The following ANKRD34C variants were observed in gnomAD, a reference collection of about 807,000 sequenced individuals.
ANKRD34C encodes ankyrin repeat domain 34C, also known as ankyrin repeat domain-containing protein 34C.
For missense variants in ANKRD34C, 563 were observed against 653.0 expected, an observed-to-expected ratio of 0.86 and a Z score of 1.50; for synonymous variants, 260 against 253.6, an observed-to-expected ratio of 1.03 and a Z score of -0.24.
chr15:79,290,496 G>A (rs1371475506), intron 1 of ANKRD34C, among the ~76,000 whole-genome samples: 1 of 151,878 alleles, frequency 6.6e-6, no homozygotes, highest in African/African-American at 2.4e-5. Flanking sequence ...CAATCCTCTA[G>A]GGGCTGGCTG....
At chr15:79,286,225 T>A in intron 1 of ANKRD34C, among the ~76,000 whole-genome samples, 1 of 11,824 alleles carries the variant, frequency 8.5e-5, no homozygotes, top group Non-Finnish European at 1.6e-4. Context: ...ATGGTGGGGG[T>A]GGAGTGGGGG....
In ANKRD34C at chr15:79,294,172, C is replaced by T. The variant is rs1463426903; in HGVS notation, c.888C>T (p.Leu296=). 8.4e-6 allele frequency: 13 copies of T among 1,551,486 alleles called. No homozygotes were observed. The highest frequency in any genetic ancestry group is 1.1e-5 in the Non-Finnish European group (13 of 1,147,006). ...TATCCTTCCCTAAAAGGGGGCCCCT[C>T]TCCAGAACCAACAGTATCGATAGCA... ...SDISFPKRGP[L]SRTNSIDSKD... is the part of the protein sequence containing the mutation. Residue 296 remains leucine (L), a synonymous_variant, in exon 2 of 2, where the codon CTC becomes CTT. Coordinates refer to ENST00000421388, the MANE Select transcript of ANKRD34C (RefSeq NM_001146341.2).
At chr15:79,288,066 C>T (rs1438103434) in intron 1 of ANKRD34C, among the ~76,000 whole-genome samples, 5 of 152,210 alleles carry the variant, frequency 3.3e-5, no homozygotes, top group Non-Finnish European at 7.3e-5. Flanking sequence ...CAGAGTCACT[C>T]ATTGATCCCT....
chr15:79,288,945 C>T (rs437645), intron 1 of ANKRD34C, among the ~76,000 whole-genome samples: 156 of 151,188 alleles, frequency 1.0e-3, no homozygotes, highest in African/African-American at 3.6e-3. Context: ...CTCAGTCTTC[C>T]GAGTAGCTGG....
rs935213588 is a variant in ANKRD34C, at chr15:79,297,789, T to C, written c.*2897T>C. On this transcript the variant is annotated 3_prime_UTR_variant, in exon 2 of 2. Transcript: ENST00000421388. ...AGTATATTTTAGATTCAAACATGCTTTCTAGATCAGAGGTTAACTTGTCTT... is the reference window on the plus strand; with the variant it reads ...AGTATATTTTAGATTCAAACATGCTCTCTAGATCAGAGGTTAACTTGTCTT... 1 of 166,702 alleles carries C rather than the reference T, an allele frequency of 6.0e-6. No individual in the cohort carries two copies. Among genetic ancestry groups the C allele is most frequent in the Admixed American group, 6.5e-5 (1 of 15,282 alleles). The allele number at this position is 166,702 out of a possible 1,614,324, so 10.3% of individuals were successfully genotyped here. A position where few individuals can be genotyped will look rare whatever the true frequency, so the allele number is the denominator to read the frequency against.
intron 1 of ANKRD34C, among the ~76,000 whole-genome samples, chr15:79,288,726 G>A (rs1198072592): frequency 6.6e-6 from 1 of 152,076 alleles, no homozygotes; most frequent in Non-Finnish European, 1.5e-5. Context: ...GCATATCTGG[G>A]ATGGTGCATG....
chr15:79,290,573 A>G (rs962239005), intron 1 of ANKRD34C, among the ~76,000 whole-genome samples: 1 of 152,172 alleles, frequency 6.6e-6, no homozygotes, highest in Non-Finnish European at 1.5e-5. Flanking sequence ...TGGGGCTACC[A>G]GCTAAAACTT....
In ANKRD34C at chr15:79,293,928, G is replaced by A. The variant is rs1020052520; in HGVS notation, c.644G>A (p.Gly215Glu). The change falls in exon 2 of 2, where the codon GGG becomes GAG. Residue 215 changes from glycine (G) to glutamate (E), a missense_variant. Coordinates refer to ENST00000421388, the MANE Select transcript of ANKRD34C (RefSeq NM_001146341.2). ...KEDDFFSLQA[G>E]HPSSCNTSKA... ...GATGACTTCTTCAGCCTCCAAGCAG[G>A]GCATCCAAGCAGTTGTAACACCTCC... 4 of 1,551,630 alleles carry A rather than the reference G, an allele frequency of 2.6e-6. No homozygotes were observed. Among genetic ancestry groups the A allele is most frequent in the Non-Finnish European group, 3.5e-6 (4 of 1,146,986 alleles).
chr15:79,293,868 C>G lies in ANKRD34C; in HGVS notation c.584C>G (p.Ala195Gly). 6.4e-7 allele frequency: 1 copy of G among 1,551,716 alleles called. No individual in the cohort carries two copies. The highest frequency in any genetic ancestry group is 8.7e-7 in the Non-Finnish European group (1 of 1,146,988). The change falls in exon 2 of 2, where the codon GCT (alanine) becomes GGT (glycine). Residue 195 changes from alanine (A) to glycine (G), a missense_variant. Transcript: ENST00000421388. The part of the protein sequence containing the change: ...CASPSDIELK[A>G]LGLDSPLTEK... ...TCTCCCTCTGACATAGAGCTGAAGG[C>G]TCTAGGCCTGGACTCTCCACTCACT...
At chr15:79,290,048 G>A (rs1019259107) in intron 1 of ANKRD34C, among the ~76,000 whole-genome samples, 5 of 151,782 alleles carry the variant, frequency 3.3e-5, no homozygotes, top group Non-Finnish European at 5.9e-5. Context: ...TTTAAGAGAC[G>A]GAGTCTCACT....
chr15:79,294,065 T>C lies in ANKRD34C; in HGVS notation c.781T>C (p.Ser261Pro). Residue 261 changes from serine (S) to proline (P), a missense_variant, in exon 2 of 2, where the codon TCG becomes CCG. Ser to Pro is a moderately conservative substitution (Grantham distance 74). Coordinates refer to ENST00000421388, the MANE Select transcript of ANKRD34C (RefSeq NM_001146341.2). The stretch of plus-strand genomic sequence containing the variant: ...TGAACCTTGGGGCCTGATAGCGCCC[T>C]CGGTGCTGGCAGCCTCGACGCGTCA... ...QSEPWGLIAP[S>P]VLAASTRQDE... 1 of 1,551,616 alleles carries C rather than the reference T, an allele frequency of 6.4e-7. No homozygotes were observed. The highest frequency in any genetic ancestry group is 8.7e-7 in the Non-Finnish European group (1 of 1,146,992).
chr15:79,288,010 G>T (rs1349109744), intron 1 of ANKRD34C, among the ~76,000 whole-genome samples: 1 of 152,184 alleles, frequency 6.6e-6, no homozygotes, highest in African/African-American at 2.4e-5. Flanking sequence ...GCAGGGGAAG[G>T]CAGGAATAAT....
chr15:79,289,516 C>T (rs995070160), intron 1 of ANKRD34C, among the ~76,000 whole-genome samples: 2 of 152,198 alleles, frequency 1.3e-5, no homozygotes, highest in Non-Finnish European at 2.9e-5. Flanking sequence ...GAGAAGGATT[C>T]TCCTACATAC....
Position 79,293,958 on chromosome 15 carries a change from C to A in ANKRD34C, c.674C>A (p.Ala225Asp), listed in dbSNP as rs1174429903. 6.4e-7 allele frequency: 1 copy of A among 1,551,700 alleles called. No individual in the cohort carries two copies. The highest frequency in any genetic ancestry group is 1.4e-5 in the African/African-American group (1 of 73,166). ...GHPSSCNTSK[A>D]VNEPGSPTRK... ...CCAAGCAGTTGTAACACCTCCAAGG[C>A]TGTTAATGAGCCTGGGTCACCCACC... is the stretch of plus-strand genomic sequence containing the variant. The change falls in exon 2 of 2, where the codon GCT (alanine) becomes GAT (aspartate). Residue 225 changes from alanine to aspartate, a missense_variant. By Grantham distance (126) the Ala-to-Asp change is moderately radical. Coordinates refer to ENST00000421388, the MANE Select transcript of ANKRD34C (RefSeq NM_001146341.2).
chr15:79,288,246 A>G (rs1215467488), intron 1 of ANKRD34C, among the ~76,000 whole-genome samples: 2 of 152,196 alleles, frequency 1.3e-5, no homozygotes, highest in African/African-American at 2.4e-5. Context: ...ATCCCTGGGG[A>G]GTAGGAATGA....
chr15:79,283,080 C>A lies in ANKRD34C; in HGVS notation c.-193C>A, dbSNP rs2058632955. 1.3e-5 allele frequency among the ~76,000 whole-genome samples: 2 copies of A among 152,218 alleles called. No homozygotes were observed. The highest frequency in any genetic ancestry group is 4.8e-5 in the African/African-American group (2 of 41,456). ...GGCCCGGGGTAGCCCCAGCTCCCGG[C>A]GCTGGTTCAGTCTGGCAGTGCCCTC... On this transcript the variant is annotated 5_prime_UTR_variant, in exon 1 of 2. Coordinates refer to ENST00000421388, the MANE Select transcript of ANKRD34C (RefSeq NM_001146341.2).
chr15:79,291,070 T>C (rs1222999765), intron 1 of ANKRD34C, among the ~76,000 whole-genome samples: 1 of 152,220 alleles, frequency 6.6e-6, no homozygotes, highest in African/African-American at 2.4e-5. Flanking sequence ...CTTTATATAG[T>C]CTGATGATGA....
At position 79,294,284 on chromosome 15, in the gene ANKRD34C, G is replaced by T. The variant is rs1249852288; in HGVS notation, c.1000G>T (p.Glu334Ter). 1 of 1,551,698 alleles carries T rather than the reference G, an allele frequency of 6.4e-7. No homozygotes were observed. Among genetic ancestry groups the T allele is most frequent in the Admixed American group, 2.0e-5 (1 of 51,006 alleles). Residue 334 changes from glutamate (E) to a stop codon, truncating the protein, a stop_gained, in exon 2 of 2, where the codon GAG becomes TAG. Transcript: ENST00000421388. LOFTEE classifies it low-confidence loss of function (END_TRUNC). ...ACCGGCATCCTGGAAAGCAGCCTATGAGAAAGGTCAGGCTCCCCACCCACG... is the reference window on the plus strand; with the variant it reads ...ACCGGCATCCTGGAAAGCAGCCTATTAGAAAGGTCAGGCTCCCCACCCACG... ...SAPASWKAAY[E>*]KGQAPHPRLA...
chr15:79,294,260 C>G lies in ANKRD34C; in HGVS notation c.976C>G (p.Pro326Ala). 1 of 1,551,668 alleles carries G rather than the reference C, an allele frequency of 6.4e-7. No individual in the cohort carries two copies. The highest frequency in any genetic ancestry group is 8.7e-7 in the Non-Finnish European group (1 of 1,146,974). ...QVLKIPVSSA[P>A]ASWKAAYEKG... ...TCTGAAGATTCCAGTCTCTTCAGCA[C>G]CGGCATCCTGGAAAGCAGCCTATGA... The change falls in exon 2 of 2, where the codon CCG becomes GCG. Residue 326 changes from proline to alanine, a missense_variant. Coordinates refer to ENST00000421388, the MANE Select transcript of ANKRD34C (RefSeq NM_001146341.2).
Sources: allele counts gnomAD v4.1 joint callset (sites outside exome capture counted in the v4.1 genomes callset), GRCh38; gene constraint gnomAD v4.1.1; transcripts MANE v1.5; gene names NCBI Gene and HGNC (gene_info 2026-07-23, HGNC 2026-07-21).